Variants in MYH14 observed in about 807,000 individuals in gnomAD.
The protein encoded by MYH14 is myosin heavy chain 14, also known as myosin-14.
Under a neutral mutation model 255.5 loss-of-function variants are expected in MYH14, and 123 were observed. The observed-to-expected ratio is 0.48, with a 90% CI of 0.42 to 0.56. The LOEUF is 0.56. Ranked by LOEUF, MYH14 falls within the 20% of genes least tolerant of loss-of-function variation. MYH14 has a pLI of 0.00. For synonymous variants in MYH14, 1,095 were observed against 1,161.2 expected, an observed-to-expected ratio of 0.94 and a Z score of 1.16; for missense variants, 2,423 against 2,802.3, an observed-to-expected ratio of 0.86 and a Z score of 3.06.
intron 2 of MYH14, among the ~76,000 whole-genome samples, chr19:50,214,003 G>T (rs944504702): frequency 6.6e-6 from 1 of 151,904 alleles, no homozygotes; most frequent in Non-Finnish European, 1.5e-5. Flanking sequence ...TTTTTAATTT[G>T]TTGTAGAGAC....
chr19:50,291,736 G>A (rs1189566190), intron 36 of MYH14, among the ~76,000 whole-genome samples: 4 of 151,986 alleles, frequency 2.6e-5, no homozygotes, highest in Admixed American at 6.6e-5. Flanking sequence ...ATGGTGGCAC[G>A]CACCTGTGGT....
intron 39 of MYH14, among the ~76,000 whole-genome samples, chr19:50,297,099 C>A (rs192222897): frequency 6.6e-6 from 1 of 152,060 alleles, no homozygotes; most frequent in Admixed American, 6.6e-5. Flanking sequence ...GATTCTCCTG[C>A]CTCAGCCTCC....
rs902721100 is a variant in MYH14, at chr19:50,307,124, G to A, written c.5754G>A (p.Glu1918=). ...AAGAGGTGGTGCTCCAGGTGGAGGA[G>A]GAGCGGAGGGTGGCTGACCAGCTCC... ...RLKEVVLQVE[E]ERRVADQLRD... The change falls in exon 41 of 43, where the codon GAG becomes GAA. Residue 1918 remains glutamate, a synonymous_variant. Coordinates refer to ENST00000642316, the MANE Select transcript of MYH14 (RefSeq NM_001145809.2). 5.2e-6 allele frequency: 8 copies of A among 1,550,050 alleles called. No individual in the cohort carries two copies. Among genetic ancestry groups the A allele is most frequent in the East Asian group, 4.9e-5 (2 of 40,914 alleles).
Position 50,286,647 on chromosome 19 carries a change from G to T in MYH14, c.4705G>T (p.Ala1569Ser), listed in dbSNP as rs145522874. The T allele has an allele frequency of 7.6e-5, 121 of 1,589,196 alleles. No individual in the cohort carries two copies. In the African/African-American group the frequency reaches 1.1e-3, roughly 14 times the overall value. ...ELERQNRALRAELEALLSSKD... is the reference protein window; with the variant it reads ...ELERQNRALRSELEALLSSKD... The stretch of plus-strand genomic sequence containing the variant: ...GGAGCGGCAGAACCGGGCCCTGCGG[G>T]CTGAGCTGGAGGCACTGCTGAGCAG... Residue 1569 changes from alanine (A) to serine (S), a missense_variant, in exon 34 of 43, where the codon GCT becomes TCT. Physicochemically the swap from Ala to Ser is moderately conservative, Grantham distance 99. Around this residue, in one of 3 missense-constraint regions of MYH14, gnomAD observed 1,513 missense variants for 1,674.8 expected, o/e 0.90. Coordinates refer to ENST00000642316, the MANE Select transcript of MYH14 (RefSeq NM_001145809.2).
At chr19:50,231,804 G>A (rs998596716) in intron 9 of MYH14, 126 bp from the exon 10 acceptor site, 131 of 1,320,258 alleles carry the variant, frequency 9.9e-5, no homozygotes, top group Admixed American at 2.9e-4. Context: ...CCACACTTGT[G>A]AGTAAAGGCC....
At chr19:50,297,723 C>G (rs762434897) in intron 39 of MYH14, among the ~76,000 whole-genome samples, 31 of 151,780 alleles carry the variant, frequency 2.0e-4, no homozygotes, top group Non-Finnish European at 4.6e-4. Flanking sequence ...TGGTCTCGAA[C>G]TCCTGATGTC....
At position 50,301,784 on chromosome 19, in the gene MYH14, G is replaced by A. The variant is rs752578213; in HGVS notation, c.5593G>A (p.Gly1865Arg). The A allele has an allele frequency of 6.2e-7, 1 of 1,613,682 alleles. No homozygotes were observed. The highest frequency in any genetic ancestry group is 2.2e-5 in the East Asian group (1 of 44,866). ...LRGRLGEEDA[G>R]ARARHKMTIA... The stretch of plus-strand genomic sequence containing the variant: ...GGGACGCCTGGGTGAGGAGGATGCT[G>A]GGGCCCGTGCCCGCCACAAGATGAC... Residue 1865 changes from glycine to arginine, a missense_variant, in exon 40 of 43, where the codon GGG (glycine) becomes AGG (arginine). Around this residue, in one of 3 missense-constraint regions of MYH14, gnomAD observed 1,513 missense variants for 1,674.8 expected, o/e 0.90. Coordinates refer to ENST00000642316, the MANE Select transcript of MYH14 (RefSeq NM_001145809.2).
chr19:50,251,167 T>A (rs1235917565), intron 15 of MYH14, among the ~76,000 whole-genome samples: 1 of 152,040 alleles, frequency 6.6e-6, no homozygotes, highest in African/African-American at 2.4e-5. Context: ...TGGGAAAGCT[T>A]CACAGAAGAG....
At chr19:50,307,468 C>A (rs569478612) in intron 41 of MYH14, among the ~76,000 whole-genome samples, 1 of 152,218 alleles carries the variant, frequency 6.6e-6, no homozygotes, top group Admixed American at 6.5e-5. Context: ...AGGCACTGTG[C>A]TAAAGACATA....
At chr19:50,233,592 G>A (rs553654752) in intron 10 of MYH14, among the ~76,000 whole-genome samples, 4 of 152,248 alleles carry the variant, frequency 2.6e-5, no homozygotes, top group African/African-American at 4.8e-5. Context: ...GAAATTGATT[G>A]TCTTGTGGTT....
In MYH14 at chr19:50,293,032, G is replaced by A. The variant is rs1045230446; in HGVS notation, c.5257-201G>A. 1.3e-5 allele frequency among the ~76,000 whole-genome samples: 2 copies of A among 152,012 alleles called. No homozygotes were observed. The highest frequency in any genetic ancestry group is 3.9e-4 in the East Asian group (2 of 5,178). ...AGAGGGTGAGGGGCCTGGGGGTTGG[G>A]CTGCAAGAGGTGAGCACAGGTCAGG... On this transcript the variant is annotated intron_variant, in intron 37 of 42. Transcript: ENST00000642316. The surrounding 1 kb of genome is among the most constrained non-coding windows in gnomAD (Gnocchi z 4.1).
chr19:50,224,906 A>G lies in MYH14; in HGVS notation c.718-679A>G, dbSNP rs1045354998. ...GATTGCTTGAGGCCAGGAGTTCAAG[A>G]CCAGGCTAGGCAAAAGAGTGAGACC... On this transcript the variant is annotated intron_variant, in intron 6 of 42. Coordinates refer to ENST00000642316, the MANE Select transcript of MYH14 (RefSeq NM_001145809.2). The G allele has an allele frequency of 6.6e-6, 3 of 454,698 alleles. No homozygotes were observed. The Admixed American group carries it at 7.1e-5, about 11-fold the overall frequency. 28.2% of individuals were successfully genotyped at this position (454,698 alleles called of 1,614,324 possible).
At chr19:50,279,273 A>T (rs151114237) in intron 30 of MYH14, among the ~76,000 whole-genome samples, 72 of 152,306 alleles carry the variant, frequency 4.7e-4, no homozygotes, top group Middle Eastern at 3.4e-3. Context: ...CTTTTACTTA[A>T]CATAACGGTT....
chr19:50,207,272 A>AGAGAGAGAGG (rs2031841350), intron 1 of MYH14, among the ~76,000 whole-genome samples: 1 of 15,876 alleles, frequency 6.3e-5, no homozygotes, highest in Non-Finnish European at 1.1e-4. Flanking sequence ...AGAGAGAGAC[A>AGAGAGAGAGG]GAGAGAGAGA....
Position 50,296,948 on chromosome 19 carries a change from A to G in MYH14, c.5469+3261A>G, listed in dbSNP as rs183435252. On this transcript the variant is annotated intron_variant, in intron 39 of 42. Coordinates refer to ENST00000642316, the MANE Select transcript of MYH14 (RefSeq NM_001145809.2). ...CATAATGAATTACCACAAACACAGT[A>G]GCTTAAAGCAACAGGAATGTATTCT... 9.9e-5 allele frequency among the ~76,000 whole-genome samples: 15 copies of G among 151,390 alleles called. No homozygotes were observed. In the East Asian group the frequency reaches 2.0e-3, roughly 20 times the overall value.
intron 3 of MYH14, among the ~76,000 whole-genome samples, chr19:50,218,334 C>T (rs907384379): frequency 3.9e-5 from 6 of 151,988 alleles, no homozygotes; most frequent in African/African-American, 7.2e-5. Flanking sequence ...CGGTGGCTCA[C>T]GCCTGTAATC....
intron 2 of MYH14, among the ~76,000 whole-genome samples, chr19:50,214,178 C>G (rs1407880809): frequency 6.6e-6 from 1 of 152,190 alleles, no homozygotes; most frequent in Admixed American, 6.5e-5. Flanking sequence ...GGATGACTCC[C>G]AGGCACCTTA....
chr19:50,275,943 C>A (rs1007304855), intron 27 of MYH14, 48 bp from the exon 28 acceptor site: 2 of 1,460,606 alleles, frequency 1.4e-6, no homozygotes, highest in Middle Eastern at 1.8e-4. Context: ...ATCATTGCCT[C>A]ACTCTGGCCT....
At chr19:50,228,878 A>G (rs1243529899) in intron 8 of MYH14, among the ~76,000 whole-genome samples, 2 of 152,080 alleles carry the variant, frequency 1.3e-5, no homozygotes, top group Admixed American at 6.6e-5. Flanking sequence ...CCCCAGGCCA[A>G]TCGTATGAGT....
Sources: gnomAD v4.1 joint callset for allele counts (sites outside exome capture counted in the v4.1 genomes callset) on GRCh38, gnomAD v4.1.1 for gene constraint, gnomAD v4.1.1 regional missense constraint, Gnocchi (gnomAD v3.1) non-coding constraint, MANE v1.5 for transcripts, NCBI Gene and HGNC (gene_info 2026-07-23, HGNC 2026-07-21) for gene names.